BRAP: variants seen among roughly 807,000 people sequenced by gnomAD.
The protein encoded by BRAP is BRCA1 associated protein.
In BRAP, 42 loss-of-function variants were observed where a neutral mutation model predicts 73.4. The observed-to-expected ratio is 0.57, with a 90% CI of 0.45 to 0.74. The LOEUF (loss-of-function observed/expected upper bound fraction) is 0.74, where lower values mean the gene tolerates loss of function less well. Among genes scored for constraint, BRAP ranks in the 30% least tolerant of loss-of-function variants. BRAP has a pLI of 0.00. For missense variants in BRAP, 593 were observed against 751.4 expected (o/e 0.79, Z 2.46); for synonymous variants, 255 against 267.4 (o/e 0.95, Z 0.45).
At chr12:111,658,989 G>C (rs2135906017) in intron 8 of BRAP, 144 bp from the exon 9 acceptor site, 1 of 786,950 alleles carries the variant, frequency 1.3e-6, no homozygotes, top group East Asian at 2.7e-5. Flanking sequence ...TTGAATTTTA[G>C]AGGGGAGGGA....
intron 10 of BRAP, among the ~76,000 whole-genome samples, chr12:111,655,177 T>G (rs1443778398): frequency 1.3e-5 from 2 of 152,142 alleles, no homozygotes; most frequent in African/African-American, 2.4e-5. Context: ...TCCTTCCATT[T>G]AGAAAGGCTC....
intron 4 of BRAP, chr12:111,673,060 C>T: frequency 3.0e-6 from 1 of 335,478 alleles, no homozygotes; most frequent in Non-Finnish European, 5.4e-6. Context: ...GTACAATTTT[C>T]ATATTCAACC....
chr12:111,651,479 G>C (rs1644613916), intron 10 of BRAP, among the ~76,000 whole-genome samples: 1 of 151,714 alleles, frequency 6.6e-6, no homozygotes, highest in Admixed American at 6.6e-5. Flanking sequence ...GGAGATTGCA[G>C]TGAGCCAAGA....
intron 9 of BRAP, among the ~76,000 whole-genome samples, chr12:111,658,189 C>T (rs2135905065): frequency 6.6e-6 from 1 of 152,168 alleles, no homozygotes; most frequent in African/African-American, 2.4e-5. Flanking sequence ...CTCAGCCTCC[C>T]AAAGTGCTGG....
Position 111,679,361 on chromosome 12 carries a change from G to A in BRAP, c.444-21C>T, listed in dbSNP as rs751093733. ...TCTTACTAACAAAAAAAAAATTAGA[G>A]TGTCTTGAATAGATGAGGTATGGTT... On this transcript the variant is annotated intron_variant, in intron 3 of 11. Transcript: ENST00000419234. The A allele has an allele frequency of 4.7e-6, 7 of 1,501,810 alleles. No homozygotes were observed. The African/African-American group carries it at 8.3e-5, about 18-fold the overall frequency. The allele number at this position is 1,501,810 out of a possible 1,614,324, so 93.0% of individuals were successfully genotyped here.
At chr12:111,685,495 G>C in intron 1 of BRAP, 1 of 1,167,450 alleles carries the variant, frequency 8.6e-7, no homozygotes, top group Non-Finnish European at 1.1e-6. Context: ...CCCTCAGACG[G>C]CACAGGGAGG....
chr12:111,684,296 C>A (rs1008153035), intron 1 of BRAP, among the ~76,000 whole-genome samples: 2 of 152,174 alleles, frequency 1.3e-5, no homozygotes. Flanking sequence ...TGTCTATATG[C>A]GGCTAATATC....
At chr12:111,660,185 G>A (rs555079820) in intron 7 of BRAP, among the ~76,000 whole-genome samples, 1 of 149,054 alleles carries the variant, frequency 6.7e-6, no homozygotes, top group African/African-American at 2.5e-5. Context: ...TTTTTTTTTT[G>A]CTGATTTCTA....
At chr12:111,681,203 T>A (rs552946440) in intron 3 of BRAP, among the ~76,000 whole-genome samples, 103 of 152,048 alleles carry the variant, frequency 6.8e-4, no homozygotes, top group African/African-American at 2.3e-3. Flanking sequence ...ACCCCATCTC[T>A]ACTAAAAATA....
chr12:111,666,877 C>G (rs1200674326), intron 5 of BRAP, among the ~76,000 whole-genome samples: 1 of 152,182 alleles, frequency 6.6e-6, no homozygotes, highest in Non-Finnish European at 1.5e-5. Context: ...AAAACTGAGG[C>G]CTCGTGCAGC....
chr12:111,683,000 G>T, intron 2 of BRAP, 146 bp downstream of exon 2: 2 of 827,512 alleles, frequency 2.4e-6, no homozygotes, highest in Non-Finnish European at 3.7e-6. Flanking sequence ...CTAACATGTG[G>T]CTTAACAGTG....
chr12:111,644,229 G>A lies in BRAP; in HGVS notation c.1749C>T (p.Ser583=), dbSNP rs745585310. 3.3e-5 allele frequency: 53 copies of A among 1,612,890 alleles called. No individual in the cohort carries two copies. The highest frequency in any genetic ancestry group is 4.2e-5 in the Non-Finnish European group (50 of 1,179,932). The change falls in exon 12 of 12, where the codon TCC becomes TCT. Residue 583 remains serine (S), a synonymous_variant. Transcript: ENST00000419234. ...TGCCCCTCTTGCTGCGGCCCTTCCT[G>A]GAGGGCAACTTCCCACTGCCCCCCG... ...ASSGGSGKLP[S]RKGRSKRGK
At position 111,681,799 on chromosome 12, in the gene BRAP, G is replaced by C; in HGVS notation, c.281C>G (p.Ser94Ter). The change falls in exon 3 of 12, where the codon TCA (serine) becomes TGA (stop). Residue 94 changes from serine (S) to a stop codon, truncating the protein, a stop_gained. Coordinates refer to ENST00000419234, the MANE Select transcript of BRAP (RefSeq NM_006768.5). LOFTEE classifies it high-confidence loss of function. ...LKTTVEERKS[S>*]EASPTAQRSK... is the part of the protein sequence containing the mutation. ...TCTTTGCGCAGTGGGGGAGGCTTCTGAAGACTTCCTTTCTTCCACTGTAGT... is the reference window on the plus strand; with the variant it reads ...TCTTTGCGCAGTGGGGGAGGCTTCTCAAGACTTCCTTTCTTCCACTGTAGT... The C allele has an allele frequency of 6.2e-7, 1 of 1,612,100 alleles. No individual in the cohort carries two copies. The highest frequency in any genetic ancestry group is 8.5e-7 in the Non-Finnish European group (1 of 1,179,414).
intron 5 of BRAP, among the ~76,000 whole-genome samples, chr12:111,670,664 T>C (rs1307547471): frequency 2.6e-5 from 4 of 152,186 alleles, no homozygotes; most frequent in African/African-American, 9.6e-5. Context: ...CTAATTTTTG[T>C]ATATTTAGTA....
intron 9 of BRAP, among the ~76,000 whole-genome samples, 186 bp downstream of exon 9, chr12:111,658,550 C>T (rs969617694): frequency 6.6e-6 from 1 of 152,080 alleles, no homozygotes; most frequent in Non-Finnish European, 1.5e-5. Context: ...TCTTGAACTC[C>T]TGAACTCAGG....
chr12:111,655,685 G>A lies in BRAP; in HGVS notation c.1222-30C>T, dbSNP rs756972659. 5 of 1,517,478 alleles carry A rather than the reference G, an allele frequency of 3.3e-6. No homozygotes were observed. In the African/African-American group the frequency reaches 4.1e-5, roughly 12 times the overall value. 94.0% of individuals were successfully genotyped at this position (1,517,478 alleles called of 1,614,324 possible). ...AAACATAGAGAATAAAGACCAAAAT[G>A]TAAGTCACTGTTGTCAGCCTCTGAA... On this transcript the variant is annotated intron_variant, in intron 9 of 11. Coordinates refer to ENST00000419234, the MANE Select transcript of BRAP (RefSeq NM_006768.5).
At chr12:111,660,488 A>C in intron 7 of BRAP, 112 bp downstream of exon 7, 1 of 930,792 alleles carries the variant, frequency 1.1e-6, no homozygotes, top group East Asian at 3.5e-5. Flanking sequence ...GTCTCTTAAA[A>C]TAAAAAATAA....
Position 111,672,673 on chromosome 12 carries a change from G to C in BRAP, c.735C>G (p.Leu245=). ...AATTCACACTTACATCTTCAGATTT[G>C]AGCACTTCAGCTCTTTCCACATACA... ...QLVYVERAEV[L]KSEDGASLPV... The change falls in exon 5 of 12, where the codon CTC becomes CTG. Residue 245 remains leucine (L), a synonymous_variant. Transcript: ENST00000419234. The C allele has an allele frequency of 6.2e-7, 1 of 1,611,762 alleles. No homozygotes were observed. Among genetic ancestry groups the C allele is most frequent in the East Asian group, 2.2e-5 (1 of 44,842 alleles).
chr12:111,664,404 G>A (rs1259089592), intron 6 of BRAP, among the ~76,000 whole-genome samples: 1 of 152,172 alleles, frequency 6.6e-6, no homozygotes, highest in East Asian at 1.9e-4. Flanking sequence ...CAGATGGACT[G>A]AAGATACAGG....
Sources: gnomAD v4.1 joint callset for allele counts (sites outside exome capture counted in the v4.1 genomes callset) on GRCh38, gnomAD v4.1.1 for gene constraint, MANE v1.5 for transcripts, NCBI Gene and HGNC (gene_info 2026-07-23, HGNC 2026-07-21) for gene names.